RANBP2: variants seen among roughly 807,000 people sequenced by gnomAD.
RANBP2 encodes RAN binding protein 2.
Under a neutral mutation model 303.6 loss-of-function variants are expected in RANBP2, and 57 were observed. The ratio of observed to expected loss-of-function variants is 0.19; its 90% confidence interval spans 0.15 to 0.23. The LOEUF (loss-of-function observed/expected upper bound fraction) is 0.23. RANBP2 is among the 10% of genes least tolerant of loss of function. The pLI is 1.00. For synonymous variants in RANBP2, 1,167 were observed against 1,301.5 expected (o/e 0.90, Z 2.23); for missense variants, 3,138 against 3,780.8 (o/e 0.83, Z 4.46).
At chr2:109,013,219 A>G in the RANBP2 span, among the ~76,000 whole-genome samples, 1 of 152,238 alleles carries the variant, frequency 6.6e-6, no homozygotes, top group Non-Finnish European at 1.5e-5. Context: ...TGCAATAAGG[A>G]CATCCGCTTC....
the RANBP2 span, among the ~76,000 whole-genome samples, chr2:108,795,150 A>ATTTTTTTTTTTTTTTTT: frequency 4.7e-5 from 4 of 85,012 alleles, no homozygotes; most frequent in Non-Finnish European, 6.2e-5. Context: ...TCTAAAGTGT[A>ATTTTTTTTTTTTTTTTT]TTTTTTTTTT....
chr2:109,199,998 G>A, the RANBP2 span, among the ~76,000 whole-genome samples: 20 of 152,040 alleles, frequency 1.3e-4, no homozygotes, highest in Non-Finnish European at 2.1e-4. Context: ...AGCTAAGGTG[G>A]GGTGGGTGCT....
At chr2:109,519,747 C>T in the RANBP2 span, among the ~76,000 whole-genome samples, 1 of 152,218 alleles carries the variant, frequency 6.6e-6, no homozygotes, top group South Asian at 2.1e-4. Flanking sequence ...ATCCAGCATG[C>T]TTTTGTCAAG....
At chr2:109,171,991 C>T in the RANBP2 span, among the ~76,000 whole-genome samples, 5 of 152,250 alleles carry the variant, frequency 3.3e-5, no homozygotes, top group Admixed American at 6.5e-5. Flanking sequence ...TCAGCTGAGT[C>T]GCCCGTTTCC....
At chr2:109,512,089 G>A in the RANBP2 span, among the ~76,000 whole-genome samples, 5 of 152,156 alleles carry the variant, frequency 3.3e-5, no homozygotes, top group African/African-American at 1.2e-4. Flanking sequence ...TACAACTCTA[G>A]TGGGGGCTGT....
chr2:109,036,691 C>A, the RANBP2 span, among the ~76,000 whole-genome samples: 1 of 152,064 alleles, frequency 6.6e-6, no homozygotes, highest in Non-Finnish European at 1.5e-5. Flanking sequence ...TGGGGACAAT[C>A]CTAAGTTGAG....
the RANBP2 span, among the ~76,000 whole-genome samples, chr2:109,554,068 C>A: frequency 6.6e-6 from 1 of 151,994 alleles, no homozygotes; most frequent in Non-Finnish European, 1.5e-5. Context: ...GACTCAAAAC[C>A]CTTCTAATAT....
the RANBP2 span, among the ~76,000 whole-genome samples, chr2:109,390,448 T>C: frequency 6.6e-6 from 1 of 152,202 alleles, no homozygotes; most frequent in African/African-American, 2.4e-5. Context: ...GTTTTCTTAT[T>C]TAGTCCTGGA....
the RANBP2 span, among the ~76,000 whole-genome samples, chr2:109,181,700 G>C: frequency 6.6e-6 from 1 of 152,162 alleles, no homozygotes; most frequent in African/African-American, 2.4e-5. Flanking sequence ...CCTATTCTCT[G>C]AGTCTACTCT....
the RANBP2 span, among the ~76,000 whole-genome samples, chr2:109,695,768 CT>C: frequency 1.6e-4 from 24 of 152,162 alleles, no homozygotes; most frequent in Non-Finnish European, 2.4e-4. Context: ...CTCAGTTTTG[CT>C]AAAACTGCTG....
At chr2:108,875,320 A>T in the RANBP2 span, among the ~76,000 whole-genome samples, 18 of 4,838 alleles carry the variant, frequency 3.7e-3, no homozygotes, top group Non-Finnish European at 1.4e-3. Context: ...AAAGTATAAT[A>T]AAAAAAAAAA....
the RANBP2 span, among the ~76,000 whole-genome samples, chr2:109,570,425 T>C: frequency 2.0e-5 from 3 of 152,052 alleles, no homozygotes; most frequent in Non-Finnish European, 4.4e-5. Context: ...GGATCAAAAA[T>C]ATTAGGGGAA....
At chr2:108,982,189 T>C in the RANBP2 span, among the ~76,000 whole-genome samples, 1 of 152,244 alleles carries the variant, frequency 6.6e-6, no homozygotes, top group Non-Finnish European at 1.5e-5. Flanking sequence ...TAGAGCCCGT[T>C]GTCTTACAGC....
chr2:109,184,141 T>G, the RANBP2 span, among the ~76,000 whole-genome samples: 1 of 152,198 alleles, frequency 6.6e-6, no homozygotes, highest in African/African-American at 2.4e-5. Flanking sequence ...TTCAAGGCAC[T>G]GCCCCAGTTG....
the RANBP2 span, among the ~76,000 whole-genome samples, chr2:109,550,992 C>A: frequency 6.6e-6 from 1 of 152,064 alleles, no homozygotes; most frequent in Non-Finnish European, 1.5e-5. Context: ...GGTCATGTAA[C>A]CTGAGGGATA....
the RANBP2 span, among the ~76,000 whole-genome samples, chr2:109,624,082 G>C: frequency 1.3e-5 from 2 of 152,188 alleles, no homozygotes; most frequent in African/African-American, 2.4e-5. Context: ...TTCTTCAAAA[G>C]AGGCCAAGGG....
At chr2:109,346,855 T>C in the RANBP2 span, among the ~76,000 whole-genome samples, 2 of 152,232 alleles carry the variant, frequency 1.3e-5, no homozygotes, top group African/African-American at 2.4e-5. Flanking sequence ...TACAGTCTTA[T>C]GCCCTTGAAC....
In RANBP2 at chr2:108,764,677, C is replaced by T. The variant is rs758417562; in HGVS notation, c.4138C>T (p.Pro1380Ser). ...KKCVSCQNLNPSNKELVGPPL... is the reference protein window; with the variant it reads ...KKCVSCQNLNSSNKELVGPPL... ...ATGTGTATCATGCCAAAATCTAAAC[C>T]CAAGCAATAAAGAGCTCGTTGGCCC... The change falls in exon 20 of 29, where the codon CCA (proline) becomes TCA (serine). Residue 1380 changes from proline to serine, a missense_variant. Transcript: ENST00000283195. 3 of 1,613,904 alleles carry T rather than the reference C, an allele frequency of 1.9e-6. No homozygotes were observed. The South Asian group carries it at 3.3e-5, about 18-fold the overall frequency.
At chr2:109,584,275 G>A in the RANBP2 span, among the ~76,000 whole-genome samples, 2 of 147,300 alleles carry the variant, frequency 1.4e-5, no homozygotes, top group African/African-American at 2.5e-5. Context: ...TCAGGAGGTC[G>A]AGACCAGCCT....
Sources: gnomAD v4.1 joint callset for allele counts (sites outside exome capture counted in the v4.1 genomes callset) on GRCh38, gnomAD v4.1.1 for gene constraint, MANE v1.5 for transcripts, NCBI Gene and HGNC (gene_info 2026-07-23, HGNC 2026-07-21) for gene names.